FANK1: variants seen among roughly 807,000 people sequenced by gnomAD.
The protein encoded by FANK1 is fibronectin type III and ankyrin repeat domains 1, also known as fibronectin type 3 and ankyrin repeat domains protein 1.
In FANK1, 44 loss-of-function variants were observed where a neutral mutation model predicts 45.3. The ratio of observed to expected loss-of-function variants is 0.97; its 90% confidence interval spans 0.76 to 1.25. FANK1 has a LOEUF of 1.25. Among genes scored for constraint, FANK1 ranks in the 50% most tolerant of loss-of-function variants. The pLI, the probability that FANK1 is intolerant of heterozygous loss-of-function variation, is 0.00. For synonymous variants in FANK1, 149 were observed against 152.5 expected (o/e 0.98, Z 0.17); for missense variants, 391 against 424.4 (o/e 0.92, Z 0.69).
At chr10:125,997,508 A>C in intron 6 of FANK1, 23 bp downstream of exon 6, 1 of 1,606,522 alleles carries the variant, frequency 6.2e-7, no homozygotes. Flanking sequence ...ATATGACTGA[A>C]ATTGTGCTGA....
At chr10:126,008,576 A>G in intron 8 of FANK1, 26 bp downstream of exon 8, 1 of 1,590,852 alleles carries the variant, frequency 6.3e-7, no homozygotes. Context: ...GAAAATAGGC[A>G]GTTTTCTACG....
At chr10:125,904,846 C>T (rs79507021) in intron 1 of FANK1, among the ~76,000 whole-genome samples, 1,259 of 99,592 alleles carry the variant, frequency 0.013, no homozygotes, top group East Asian at 0.044. Flanking sequence ...AAGTTTCTGG[C>T]CGGGCGCGGT....
chr10:125,950,271 C>A (rs1949113946), intron 1 of FANK1, among the ~76,000 whole-genome samples: 5 of 150,680 alleles, frequency 3.3e-5, no homozygotes, highest in African/African-American at 1.2e-4. Flanking sequence ...CAAATGGGAT[C>A]TAATTAAACT....
chr10:125,919,190 T>G, intron 1 of FANK1, among the ~76,000 whole-genome samples: 1 of 138,512 alleles, frequency 7.2e-6, no homozygotes, highest in Non-Finnish European at 1.5e-5. Flanking sequence ...TTCCAGGAGG[T>G]AAGAATTTTT....
At position 126,003,928 on chromosome 10, in the gene FANK1, G is replaced by A. The variant is rs116703676; in HGVS notation, c.540-956G>A. Among the ~76,000 whole-genome samples, 1,317 of 151,948 alleles carry A rather than the reference G, an allele frequency of 8.7e-3. 21 individuals are homozygous for A. The highest frequency in any genetic ancestry group is 0.029 in the African/African-American group (1,197 of 41,466). ...TGAGCTTAGGCAATCCACCCACCTCGGCCTCCAAAAGTACTAGGATTACAG... is the reference window on the plus strand; with the variant it reads ...TGAGCTTAGGCAATCCACCCACCTCAGCCTCCAAAAGTACTAGGATTACAG... On this transcript the variant is annotated intron_variant, in intron 6 of 10. Transcript: ENST00000368693.
intron 1 of FANK1, among the ~76,000 whole-genome samples, chr10:125,901,669 C>T (rs2134100791): frequency 6.6e-6 from 1 of 152,354 alleles, no homozygotes; most frequent in African/African-American, 2.4e-5. Flanking sequence ...CCTGCTATGG[C>T]AGGTCTGACT....
intron 1 of FANK1, among the ~76,000 whole-genome samples, chr10:125,925,742 T>C (rs1947303207): frequency 6.6e-6 from 1 of 152,202 alleles, no homozygotes; most frequent in African/African-American, 2.4e-5. Flanking sequence ...TCAATATCTT[T>C]GTATTTTAAA....
intron 1 of FANK1, among the ~76,000 whole-genome samples, chr10:125,932,833 C>G (rs183581021): frequency 2.0e-4 from 30 of 152,294 alleles, no homozygotes; most frequent in African/African-American, 7.2e-4. Flanking sequence ...ATTATGTTGG[C>G]TGTGGGTTTG....
intron 1 of FANK1, among the ~76,000 whole-genome samples, chr10:125,929,762 AC>A (rs1388727367): frequency 6.6e-6 from 1 of 152,206 alleles, no homozygotes; most frequent in Non-Finnish European, 1.5e-5. Flanking sequence ...AAATGAAACT[AC>A]ACGCCACAGT....
chr10:125,927,993 GCC>G (rs1947484202), intron 1 of FANK1, among the ~76,000 whole-genome samples: 2 of 152,158 alleles, frequency 1.3e-5, no homozygotes, highest in African/African-American at 2.4e-5. Context: ...TTTACACTCT[GCC>G]AGCTGTGGAT....
chr10:125,969,614 T>G (rs966758804), intron 1 of FANK1, among the ~76,000 whole-genome samples: 6 of 152,092 alleles, frequency 3.9e-5, no homozygotes, highest in Non-Finnish European at 8.8e-5. Context: ...GCTTTTGAAT[T>G]TTTCTTTTTT....
intron 1 of FANK1, among the ~76,000 whole-genome samples, chr10:125,949,511 C>A (rs561416833): frequency 3.0e-4 from 46 of 152,110 alleles, no homozygotes; most frequent in African/African-American, 7.0e-4. Flanking sequence ...ACTCCCATTC[C>A]CAATTGCTTC....
At chr10:125,903,023 A>G (rs76160894) in intron 1 of FANK1, among the ~76,000 whole-genome samples, 235 of 152,408 alleles carry the variant, frequency 1.5e-3, no homozygotes, top group Middle Eastern at 0.014. Flanking sequence ...GGTAAAATTC[A>G]TTGTGATCCT....
chr10:125,901,457 C>G, intron 1 of FANK1, among the ~76,000 whole-genome samples: 1 of 152,152 alleles, frequency 6.6e-6, no homozygotes, highest in Admixed American at 6.5e-5. Context: ...AAATATACAT[C>G]AAATCAGATC....
At chr10:125,927,441 T>G (rs1319331088) in intron 1 of FANK1, among the ~76,000 whole-genome samples, 1 of 152,226 alleles carries the variant, frequency 6.6e-6, no homozygotes, top group Non-Finnish European at 1.5e-5. Context: ...GTTTGTTTAT[T>G]GTTGTGTGCA....
In FANK1 at chr10:125,927,870, T is replaced by C. The variant is rs111416649; in HGVS notation, c.13+31215T>C. Among the ~76,000 whole-genome samples, 1,462 of 152,060 alleles carry C rather than the reference T, an allele frequency of 9.6e-3. 25 individuals are homozygous for C. Among genetic ancestry groups the C allele is most frequent in the African/African-American group, 0.032 (1,320 of 41,518 alleles). ...CCTAAACTTTCTTGTACTTACCTTT[T>C]GGTGCACACGTGTGTACTTTAATTT... is the stretch of plus-strand genomic sequence containing the variant. On this transcript the variant is annotated intron_variant, in intron 1 of 10. Transcript: ENST00000368693.
At chr10:125,920,013 A>G (rs1208548420) in intron 1 of FANK1, among the ~76,000 whole-genome samples, 1 of 152,182 alleles carries the variant, frequency 6.6e-6, no homozygotes, top group Non-Finnish European at 1.5e-5. Flanking sequence ...AATTCCTTGC[A>G]GTTCAAAGAC....
intron 1 of FANK1, among the ~76,000 whole-genome samples, chr10:125,938,111 C>G (rs1948217288): frequency 6.6e-6 from 1 of 152,268 alleles, no homozygotes; most frequent in Admixed American, 6.5e-5. Context: ...GAACATTACT[C>G]AGTCTCTTGG....
intron 1 of FANK1, among the ~76,000 whole-genome samples, chr10:125,917,817 T>C (rs1946565299): frequency 6.6e-6 from 1 of 152,312 alleles, no homozygotes; most frequent in Admixed American, 6.5e-5. Context: ...GCTCAGTGGC[T>C]CATTCCTGTA....
Sources: gnomAD v4.1 joint callset for allele counts (sites outside exome capture counted in the v4.1 genomes callset) on GRCh38, gnomAD v4.1.1 for gene constraint, MANE v1.5 for transcripts, NCBI Gene and HGNC (gene_info 2026-07-23, HGNC 2026-07-21) for gene names.